The following C12orf42 variants were observed in gnomAD, a reference collection of about 807,000 sequenced individuals.
C12orf42 encodes chromosome 12 open reading frame 42, also known as uncharacterized protein C12orf42.
A neutral mutation model predicts 21.6 loss-of-function variants in C12orf42; 25 were observed. The ratio of observed to expected loss-of-function variants is 1.16; its 90% confidence interval spans 0.84 to 1.62. C12orf42 has a LOEUF of 1.62. Ranked by LOEUF, C12orf42 falls within the 40% of genes most tolerant of loss-of-function variation. The pLI, the probability that C12orf42 is intolerant of heterozygous loss-of-function variation, is 0.00. For synonymous variants in C12orf42, 174 were observed against 175.0 expected (o/e 0.99, Z 0.05); for missense variants, 483 against 459.3 (o/e 1.05, Z -0.47).
intron 4 of C12orf42, among the ~76,000 whole-genome samples, chr12:103,284,111 C>G (rs2036295074): frequency 6.6e-6 from 1 of 152,090 alleles, no homozygotes; most frequent in South Asian, 2.1e-4. Context: ...GAGTGTGACA[C>G]CTGAGTGCTC....
chr12:103,164,531 A>G, the C12orf42 span: 1 of 445,350 alleles, frequency 2.2e-6, no homozygotes, highest in Non-Finnish European at 4.5e-6. Flanking sequence ...CATTGCTTGC[A>G]TAACTTCTGT....
chr12:103,180,192 T>G, the C12orf42 span, among the ~76,000 whole-genome samples: 2 of 152,090 alleles, frequency 1.3e-5, no homozygotes, highest in South Asian at 4.1e-4. Context: ...AAAAAGCTCT[T>G]ACATATTACA....
intron 4 of C12orf42, among the ~76,000 whole-genome samples, chr12:103,367,550 C>T (rs1023586968): frequency 6.6e-6 from 1 of 151,850 alleles, no homozygotes; most frequent in African/African-American, 2.4e-5. Flanking sequence ...TAAGTGAAGA[C>T]TGAGGTGCAG....
chr12:103,229,259 G>T, the C12orf42 span, among the ~76,000 whole-genome samples: 3 of 152,146 alleles, frequency 2.0e-5, no homozygotes, highest in African/African-American at 7.2e-5. Context: ...TCATTTATCA[G>T]TTAGGATGGT....
chr12:103,340,420 G>T (rs1410874662), intron 4 of C12orf42, among the ~76,000 whole-genome samples: 1 of 152,226 alleles, frequency 6.6e-6, no homozygotes, highest in African/African-American at 2.4e-5. Flanking sequence ...TCTTGCCTCA[G>T]TGATGGGGAA....
At position 103,294,462 on chromosome 12, in the gene C12orf42, GAAAGAAAGAAA is replaced by G. The variant is rs1566025397; in HGVS notation, n.338-17263_338-17253del. ...AGAAAGAAAGAAAGAAAGAAAGAAA[GAAAGAAAGAAA>G]TAAGCAAGCAAGCAAGAAAGAAAGA... is the stretch of plus-strand genomic sequence containing the variant. On this transcript the variant is annotated intron_variant and non_coding_transcript_variant, in intron 4 of 6. Coordinates refer to the C12orf42 transcript ENST00000546526. Among the ~76,000 whole-genome samples, 70 of 112,798 alleles carry G rather than the reference GAAAGAAAGAAA, an allele frequency of 6.2e-4. 1 individual carries two copies. The highest frequency in any genetic ancestry group is 2.3e-3 in the African/African-American group (55 of 23,710). 74.0% of individuals were successfully genotyped at this position (112,798 alleles called of 152,430 possible).
intron 4 of C12orf42, among the ~76,000 whole-genome samples, chr12:103,308,311 A>C (rs2038585166): frequency 6.6e-6 from 1 of 152,348 alleles, no homozygotes; most frequent in African/African-American, 2.4e-5. Flanking sequence ...TAAGAGGCAA[A>C]GAATAAAAAC....
intron 2 of C12orf42, among the ~76,000 whole-genome samples, chr12:103,468,620 G>A (rs1953331973): frequency 6.6e-6 from 1 of 152,044 alleles, no homozygotes; most frequent in African/African-American, 2.4e-5. Flanking sequence ...TTAACAGGAG[G>A]CAGCGACTTT....
intron 2 of C12orf42, among the ~76,000 whole-genome samples, chr12:103,413,971 T>C (rs61270164): frequency 6.6e-6 from 1 of 152,150 alleles, no homozygotes; most frequent in Non-Finnish European, 1.5e-5. Flanking sequence ...TAAACATGCA[T>C]GTGAAAATGT....
chr12:103,300,312 T>C (rs138361530), downstream of C12orf42, among the ~76,000 whole-genome samples: 137 of 152,314 alleles, frequency 9.0e-4, 1 homozygote, highest in African/African-American at 3.1e-3. Flanking sequence ...AATGTTACTA[T>C]GACTCTCTAA....
At chr12:103,118,293 T>C in the C12orf42 span, among the ~76,000 whole-genome samples, 1 of 152,122 alleles carries the variant, frequency 6.6e-6, no homozygotes, top group Admixed American at 6.5e-5. Flanking sequence ...TTTTGAAGAA[T>C]GAATGAATGA....
the C12orf42 span, among the ~76,000 whole-genome samples, chr12:103,182,273 G>A: frequency 6.6e-6 from 1 of 152,118 alleles, no homozygotes; most frequent in African/African-American, 2.4e-5. Flanking sequence ...CAGAGCCATG[G>A]CATTTATTGG....
At chr12:103,235,086 C>T (rs1336167342), downstream of C12orf42, among the ~76,000 whole-genome samples, 1 of 152,062 alleles carries the variant, frequency 6.6e-6, no homozygotes, top group Non-Finnish European at 1.5e-5. Context: ...CATAAGTGTT[C>T]TGAGTTACAG....
At chr12:103,052,559 A>T in the C12orf42 span, among the ~76,000 whole-genome samples, 1 of 152,022 alleles carries the variant, frequency 6.6e-6, no homozygotes, top group African/African-American at 2.4e-5. Context: ...TTATTTATAT[A>T]TTCTGGATAT....
chr12:103,129,858 T>G, the C12orf42 span, among the ~76,000 whole-genome samples: 1 of 152,224 alleles, frequency 6.6e-6, no homozygotes, highest in African/African-American at 2.4e-5. Flanking sequence ...TGGAGACATC[T>G]GTTACCAACT....
chr12:103,063,682 C>A, the C12orf42 span, among the ~76,000 whole-genome samples: 2 of 152,124 alleles, frequency 1.3e-5, no homozygotes, highest in South Asian at 4.2e-4. Context: ...ACCCGAACAC[C>A]CCTGTTTTCT....
At chr12:103,551,542 C>A in the C12orf42 span, among the ~76,000 whole-genome samples, 1 of 152,054 alleles carries the variant, frequency 6.6e-6, no homozygotes, top group Non-Finnish European at 1.5e-5. Context: ...AAAGGCTGGG[C>A]TTGGTGACTC....
At chr12:103,166,453 CAAGTT>C in the C12orf42 span, among the ~76,000 whole-genome samples, 3 of 152,182 alleles carry the variant, frequency 2.0e-5, no homozygotes, top group South Asian at 6.2e-4. Context: ...ATTTTCAAAA[CAAGTT>C]AATGATGTAG....
chr12:103,516,893 C>T, the C12orf42 span, among the ~76,000 whole-genome samples: 2 of 152,138 alleles, frequency 1.3e-5, no homozygotes, highest in African/African-American at 4.8e-5. Flanking sequence ...ATAGAGAGCA[C>T]GGGTTCTTGC....
Sources: gnomAD v4.1 joint callset for allele counts (sites outside exome capture counted in the v4.1 genomes callset) on GRCh38, gnomAD v4.1.1 for gene constraint, MANE v1.5 for transcripts, NCBI Gene and HGNC (gene_info 2026-07-23, HGNC 2026-07-21) for gene names.